The following MPRIP variants were observed in gnomAD, a reference collection of about 807,000 sequenced individuals.
MPRIP encodes myosin phosphatase Rho-interacting protein.
In MPRIP, 59 loss-of-function variants were observed where a neutral mutation model predicts 234.9. That is an observed-to-expected ratio of 0.25 (90% confidence interval 0.20 to 0.31). The LOEUF is 0.31. Among genes scored for constraint, MPRIP ranks in the 10% least tolerant of loss-of-function variants. MPRIP has a pLI of 1.00. For missense variants in MPRIP, 2,436 were observed against 3,071.0 expected (o/e 0.79, Z 4.89); for synonymous variants, 1,144 against 1,263.9 (o/e 0.91, Z 2.01).
chr17:17,065,670 A>G (rs2089003394), intron 1 of MPRIP, among the ~76,000 whole-genome samples: 1 of 151,950 alleles, frequency 6.6e-6, no homozygotes, highest in African/African-American at 2.4e-5. Context: ...TTTCCATGTA[A>G]ATTTTAGAAT....
At chr17:17,061,699 A>T (rs1468641993) in intron 1 of MPRIP, among the ~76,000 whole-genome samples, 1 of 152,108 alleles carries the variant, frequency 6.6e-6, no homozygotes, top group African/African-American at 2.4e-5. Context: ...TTTCCTGGGG[A>T]TGACCACTCT....
In MPRIP at chr17:17,166,678, G is replaced by C; in HGVS notation, c.5087G>C (p.Gly1696Ala). 7.7e-7 allele frequency: 1 copy of C among 1,304,112 alleles called. No individual in the cohort carries two copies. Among genetic ancestry groups the C allele is most frequent in the Non-Finnish European group, 1.0e-6 (1 of 988,966 alleles). The allele number at this position is 1,304,112 out of a possible 1,614,324, so 80.8% of individuals were successfully genotyped here. The stretch of plus-strand genomic sequence containing the variant: ...CAGAGCATCCAGGAGACCCTGCGGG[G>C]CACCCAGACGGCCCTGCGGCAGCAC... Reference protein sequence around the residue: ...RLQSIQETLRGTQTALRQHKC... With the variant: ...RLQSIQETLRATQTALRQHKC... Residue 1696 changes from glycine to alanine, a missense_variant, in exon 16 of 24, where the codon GGC becomes GCC. Gly to Ala is a moderately conservative substitution (Grantham distance 60, BLOSUM62 0). Coordinates refer to ENST00000651222, the MANE Select transcript of MPRIP (RefSeq NM_001364716.4). This position sits in a 1 kb window ranked among gnomAD's most constrained non-coding sequence, Gnocchi z 4.4.
intron 16 of MPRIP, chr17:17,169,081 C>T (rs2046073321): frequency 4.5e-6 from 2 of 440,236 alleles, no homozygotes; most frequent in Non-Finnish European, 9.1e-6. Flanking sequence ...AGCTCTTTTT[C>T]ACCATTCTTT....
intron 9 of MPRIP, among the ~76,000 whole-genome samples, chr17:17,145,591 G>T (rs137862111): frequency 1.3e-3 from 203 of 152,358 alleles, no homozygotes; most frequent in Non-Finnish European, 2.4e-3. Flanking sequence ...CCTCAACACC[G>T]CACGTCTCTG....
rs187629092 is a variant in MPRIP at position 17,154,411 on chromosome 17, A to G, written c.1825A>G (p.Thr609Ala). ...GCACCCGACCACTGCCCCGGATGTG[A>G]CCAGGTAGGATGGTGAAGACACCAG... ...HVHPTTAPDV[T>A]SSLPEEKNKS... Residue 609 changes from threonine (T) to alanine (A), a missense_variant, in exon 13 of 24, where the codon ACC (threonine) becomes GCC (alanine). Transcript: ENST00000651222. The G allele has an allele frequency of 6.2e-7, 1 of 1,613,986 alleles. No homozygotes were observed. Among genetic ancestry groups the G allele is most frequent in the African/African-American group, 1.3e-5 (1 of 75,038 alleles).
chr17:17,181,463 T>G (rs960170082), intron 23 of MPRIP: 1 of 152,262 alleles, frequency 6.6e-6, no homozygotes, highest in Non-Finnish European at 1.5e-5. Flanking sequence ...GAGTTGAAGG[T>G]TTTAAGCCTA....
intron 3 of MPRIP, among the ~76,000 whole-genome samples, chr17:17,111,454 G>A (rs2090169848): frequency 6.6e-6 from 1 of 152,152 alleles, no homozygotes; most frequent in Non-Finnish European, 1.5e-5. Flanking sequence ...TCAGCAGGGA[G>A]CCTCACCAGG....
intron 1 of MPRIP, among the ~76,000 whole-genome samples, chr17:17,044,741 A>AT (rs913029965): frequency 3.9e-5 from 6 of 152,158 alleles, no homozygotes; most frequent in Non-Finnish European, 7.4e-5. Context: ...ATCTGCTAAG[A>AT]TTTTTTTTAA....
rs1489414750 is a variant in MPRIP at position 17,053,838 on chromosome 17, T to C, written c.123+10867T>C. Among the ~76,000 whole-genome samples the C allele has an allele frequency of 3.3e-5, 5 of 152,218 alleles. No individual in the cohort carries two copies. In the East Asian group the frequency reaches 7.7e-4, roughly 23 times the overall value. On this transcript the variant is annotated intron_variant, in intron 1 of 23. Coordinates refer to ENST00000651222, the MANE Select transcript of MPRIP (RefSeq NM_001364716.4). ...CTGCACCACCCTAGCAGCTTTCTTA[T>C]GTCAGCCCCTTGAGGACTGGAAGGA...
chr17:17,149,893 T>C, intron 11 of MPRIP: 1 of 330,218 alleles, frequency 3.0e-6, no homozygotes. Flanking sequence ...TGTGAAGGGA[T>C]TTCAACAGCA....
At chr17:17,098,903 A>G (rs1227385926) in intron 3 of MPRIP, among the ~76,000 whole-genome samples, 1 of 151,964 alleles carries the variant, frequency 6.6e-6, no homozygotes, top group Non-Finnish European at 1.5e-5. Context: ...ATTTATCTCC[A>G]CATTTTCCCA....
chr17:17,158,482 C>T lies in MPRIP; in HGVS notation c.1880C>T (p.Pro627Leu), dbSNP rs765035245. The change falls in exon 14 of 24, where the codon CCG (proline) becomes CTG (leucine). Residue 627 changes from proline (P) to leucine (L), a missense_variant. Around this residue, in one of 4 missense-constraint regions of MPRIP, gnomAD observed 1,998 missense variants for 2,520.3 expected, o/e 0.79. Transcript: ENST00000651222. ...NKSSCSFETCPRPTEKQEAEL... is the reference protein window; with the variant it reads ...NKSSCSFETCLRPTEKQEAEL... ...AGCAGCTGCTCTTTTGAGACCTGCC[C>T]GAGGCCTACTGAGAAGCAAGAGGCA... 6 of 1,607,956 alleles carry T rather than the reference C, an allele frequency of 3.7e-6. No individual in the cohort carries two copies. Among genetic ancestry groups the T allele is most frequent in the Non-Finnish European group, 4.2e-6 (5 of 1,178,280 alleles).
rs1289382692 is a variant in MPRIP at position 17,131,637 on chromosome 17, T to C, written c.440T>C (p.Val147Ala). 2.5e-6 allele frequency: 4 copies of C among 1,614,012 alleles called. No homozygotes were observed. The East Asian group carries it at 6.7e-5, about 27-fold the overall frequency. ...CCCAGGTGGCTGGAGATGCTCATGG[T>C]CTATCCCCGGACCAACAAGCAGAAT... The part of the protein sequence containing the change: ...IVSGWLEMLM[V>A]YPRTNKQNQK... Residue 147 changes from valine (V) to alanine (A), a missense_variant, in exon 5 of 24, where the codon GTC (valine) becomes GCC (alanine). Coordinates refer to ENST00000651222, the MANE Select transcript of MPRIP (RefSeq NM_001364716.4).
chr17:17,043,936 T>C (rs940962164), intron 1 of MPRIP, among the ~76,000 whole-genome samples: 1 of 152,172 alleles, frequency 6.6e-6, no homozygotes, highest in African/African-American at 2.4e-5. Context: ...CACATTCCAG[T>C]CCAGTGTGAC....
chr17:17,073,465 G>T (rs1165877204), intron 1 of MPRIP, among the ~76,000 whole-genome samples: 1 of 152,202 alleles, frequency 6.6e-6, no homozygotes, highest in African/African-American at 2.4e-5. Flanking sequence ...CTGGAGAAAG[G>T]TCAGGTAAAT....
intron 15 of MPRIP, among the ~76,000 whole-genome samples, chr17:17,162,762 A>G (rs1439673641): frequency 1.3e-5 from 2 of 152,262 alleles, no homozygotes; most frequent in Non-Finnish European, 2.9e-5. Flanking sequence ...CGCTGACATT[A>G]TGCTGAAAGG....
At chr17:17,126,182 A>G (rs545248276) in intron 3 of MPRIP, among the ~76,000 whole-genome samples, 6 of 152,258 alleles carry the variant, frequency 3.9e-5, no homozygotes, top group East Asian at 1.9e-4. Flanking sequence ...GGGCTCTGCT[A>G]TGGCCCTGGG....
At position 17,138,407 on chromosome 17, in the gene MPRIP, C is replaced by A; in HGVS notation, c.1228C>A (p.Arg410Ser). Residue 410 changes from arginine (R) to serine (S), a missense_variant, in exon 7 of 24, where the codon CGT becomes AGT. This residue lies in a region of MPRIP where 267 missense variants were observed against 252.7 expected (regional missense o/e 1.06). Coordinates refer to ENST00000651222, the MANE Select transcript of MPRIP (RefSeq NM_001364716.4). The surrounding 1 kb of genome is among the most constrained non-coding windows in gnomAD (Gnocchi z 5.8). Reference protein sequence around the residue: ...ARSPGREEVARLFGNERRRSQ... With the variant: ...ARSPGREEVASLFGNERRRSQ... ...GAGCCCTGGCAGGGAGGAGGTGGCC[C>A]GTCTGTTTGGCAACGAGCGGAGGTA... is the stretch of plus-strand genomic sequence containing the variant. The A allele has an allele frequency of 3.6e-6, 1 of 276,772 alleles. No individual in the cohort carries two copies. The highest frequency in any genetic ancestry group is 6.8e-6 in the Non-Finnish European group (1 of 147,966). The allele number at this position is 276,772 out of a possible 1,614,324, so 17.1% of individuals were successfully genotyped here. A position where few individuals can be genotyped will look rare whatever the true frequency, so the allele number is the denominator to read the frequency against.
chr17:17,102,664 G>A (rs1368362749), intron 3 of MPRIP, among the ~76,000 whole-genome samples: 1 of 152,166 alleles, frequency 6.6e-6, no homozygotes, highest in East Asian at 1.9e-4. Flanking sequence ...CCCCAAGAGA[G>A]GCCAGGCCTG....
Sources: allele counts gnomAD v4.1 joint callset (sites outside exome capture counted in the v4.1 genomes callset), GRCh38; gene constraint gnomAD v4.1.1; regional missense constraint gnomAD v4.1.1; non-coding constraint Gnocchi (gnomAD v3.1); transcripts MANE v1.5; gene names NCBI Gene and HGNC (gene_info 2026-07-23, HGNC 2026-07-21).